Variants in SUGCT observed in about 807,000 individuals in gnomAD.
SUGCT encodes the protein succinyl-CoA:glutarate-CoA transferase.
Under a neutral mutation model 55.0 loss-of-function variants are expected in SUGCT, and 41 were observed. That is an observed-to-expected ratio of 0.74 (90% confidence interval 0.58 to 0.97). The LOEUF is 0.97. SUGCT is among the 50% of genes least tolerant of loss of function. The probability of loss-of-function intolerance (pLI) is 0.00; values close to 1 mark genes in which losing one functional copy is unlikely to be tolerated. For missense variants in SUGCT, 568 were observed against 547.8 expected (o/e 1.04, Z -0.37); for synonymous variants, 187 against 200.4 (o/e 0.93, Z 0.56).
chr7:41,012,186 C>T, the SUGCT span, among the ~76,000 whole-genome samples: 139 of 152,246 alleles, frequency 9.1e-4, no homozygotes, highest in African/African-American at 3.2e-3. Flanking sequence ...TCATTAGTTC[C>T]GGTGAACTCT....
downstream of SUGCT, among the ~76,000 whole-genome samples, chr7:40,864,252 G>C (rs1376619940): frequency 6.6e-6 from 1 of 152,208 alleles, no homozygotes; most frequent in African/African-American, 2.4e-5. Context: ...TGCCTCCCAG[G>C]TTCAAGTGAT....
At chr7:40,202,029 A>G (rs1055161583) in intron 6 of SUGCT, among the ~76,000 whole-genome samples, 1 of 152,070 alleles carries the variant, frequency 6.6e-6, no homozygotes, top group African/African-American at 2.4e-5. Flanking sequence ...TCTGTAGTGC[A>G]GTGGTGCGAT....
At chr7:40,249,344 T>TATATATATATATATATATAAAA (rs1172651937) in intron 7 of SUGCT, among the ~76,000 whole-genome samples, 35 of 128,120 alleles carry the variant, frequency 2.7e-4, no homozygotes, top group African/African-American at 1.0e-3. Context: ...TATATATATA[T>TATATATATATATATATATAAAA]ATAATTATAT....
the SUGCT span, among the ~76,000 whole-genome samples, chr7:40,871,104 G>A: frequency 6.6e-6 from 1 of 152,116 alleles, no homozygotes; most frequent in African/African-American, 2.4e-5. Context: ...AATACTAGAC[G>A]TGCTAATTGT....
chr7:40,295,004 T>C (rs1794028186), intron 8 of SUGCT, among the ~76,000 whole-genome samples: 1 of 152,218 alleles, frequency 6.6e-6, no homozygotes, highest in South Asian at 2.1e-4. Context: ...GTTTTATTAG[T>C]GTACGTGCAA....
At position 40,698,720 on chromosome 7, in the gene SUGCT, A is replaced by G. The variant is rs1785046121; in HGVS notation, c.1090-50714A>G. On this transcript the variant is annotated intron_variant, in intron 12 of 13. Transcript: ENST00000335693. ...GTTGAAGCATTACATTTTACTATCC[A>G]CATAATTCGTGAGTTAAAAATACTT... Among the ~76,000 whole-genome samples, 3 of 152,218 alleles carry G rather than the reference A, an allele frequency of 2.0e-5. No homozygotes were observed. In the South Asian group the frequency reaches 6.2e-4, roughly 32 times the overall value.
At chr7:40,483,114 C>T (rs748273354) in intron 11 of SUGCT, among the ~76,000 whole-genome samples, 2 of 151,894 alleles carry the variant, frequency 1.3e-5, no homozygotes, top group African/African-American at 4.8e-5. Flanking sequence ...GTAGAAATGC[C>T]GACCAACAAA....
At chr7:40,722,151 A>G (rs892557160) in intron 12 of SUGCT, among the ~76,000 whole-genome samples, 13 of 152,090 alleles carry the variant, frequency 8.5e-5, no homozygotes, top group African/African-American at 3.1e-4. Context: ...GGAGTTGCCA[A>G]CAAGCACATT....
intron 1 of SUGCT, among the ~76,000 whole-genome samples, chr7:40,160,057 A>C (rs541113966): frequency 2.0e-5 from 3 of 152,076 alleles, no homozygotes; most frequent in South Asian, 4.2e-4. Flanking sequence ...TTCCATCTCT[A>C]CCTGTGTCTT....
chr7:40,921,315 A>G, the SUGCT span, among the ~76,000 whole-genome samples: 10 of 152,218 alleles, frequency 6.6e-5, no homozygotes, highest in Non-Finnish European at 1.0e-4. Flanking sequence ...TTTTAAAAAC[A>G]AAGAAGCACA....
At chr7:40,640,029 A>G (rs1416307469) in intron 12 of SUGCT, among the ~76,000 whole-genome samples, 2 of 152,220 alleles carry the variant, frequency 1.3e-5, no homozygotes, top group Admixed American at 1.3e-4. Context: ...AGTATGCAAG[A>G]AAGTGTAAAC....
intron 7 of SUGCT, among the ~76,000 whole-genome samples, chr7:40,249,323 A>ATCTATATATATATATATATATC (rs1562612037): frequency 2.2e-5 from 2 of 91,790 alleles, no homozygotes; most frequent in African/African-American, 7.7e-5. Context: ...CTATATATAT[A>ATCTATATATATATATATATATC]TATATATATA....
chr7:40,748,433 T>A (rs1787844554), intron 12 of SUGCT, among the ~76,000 whole-genome samples: 2 of 152,116 alleles, frequency 1.3e-5, no homozygotes, highest in South Asian at 4.2e-4. Flanking sequence ...CTAATTTAGA[T>A]GTTTATTATT....
chr7:40,778,472 A>T (rs1016812002), intron 13 of SUGCT, among the ~76,000 whole-genome samples: 1 of 152,224 alleles, frequency 6.6e-6, no homozygotes, highest in African/African-American at 2.4e-5. Context: ...TTTTCCTGGC[A>T]GAAGTAAAAT....
chr7:40,740,661 T>C (rs1787412428), intron 12 of SUGCT, among the ~76,000 whole-genome samples: 1 of 151,888 alleles, frequency 6.6e-6, no homozygotes, highest in Admixed American at 6.6e-5. Context: ...AGATTTTTTG[T>C]AGGTGCTCTT....
chr7:40,682,942 A>G (rs1481782988), intron 12 of SUGCT, among the ~76,000 whole-genome samples: 1 of 152,216 alleles, frequency 6.6e-6, no homozygotes, highest in East Asian at 1.9e-4. Flanking sequence ...TGAACATGGA[A>G]AAGGTTACTT....
At chr7:40,805,631 A>C (rs1175294906) in intron 13 of SUGCT, among the ~76,000 whole-genome samples, 1 of 152,180 alleles carries the variant, frequency 6.6e-6, no homozygotes, top group Non-Finnish European at 1.5e-5. Context: ...TGGAAGCCAA[A>C]ATATGTTTGG....
At chr7:40,983,041 G>A in the SUGCT span, among the ~76,000 whole-genome samples, 2 of 152,184 alleles carry the variant, frequency 1.3e-5, no homozygotes, top group Non-Finnish European at 2.9e-5. Context: ...AAGAACTACT[G>A]TCTTAGTGGA....
chr7:40,584,792 C>T (rs1441119797), intron 12 of SUGCT, among the ~76,000 whole-genome samples: 4 of 152,152 alleles, frequency 2.6e-5, no homozygotes, highest in African/African-American at 9.7e-5. Flanking sequence ...GAACTATTTA[C>T]ACTGGATACT....
Sources: allele counts gnomAD v4.1 joint callset (sites outside exome capture counted in the v4.1 genomes callset), GRCh38; gene constraint gnomAD v4.1.1; transcripts MANE v1.5; gene names NCBI Gene and HGNC (gene_info 2026-07-23, HGNC 2026-07-21).